The following SFI1 variants were observed in gnomAD, a reference collection of about 807,000 sequenced individuals.
SFI1 encodes protein SFI1 homolog.
Under a neutral mutation model 207.5 loss-of-function variants are expected in SFI1, and 195 were observed. The ratio of observed to expected loss-of-function variants is 0.94; its 90% CI spans 0.84 to 1.06. The LOEUF (loss-of-function observed/expected upper bound fraction) is 1.06, where lower values mean the gene tolerates loss of function less well. SFI1 is among the 50% of genes least tolerant of loss of function. The pLI is 0.00. For missense variants in SFI1, 1,634 were observed against 1,588.0 expected (o/e 1.03, Z -0.49); for synonymous variants, 630 against 598.9 (o/e 1.05, Z -0.76).
At chr22:31,499,615 A>G (rs971638510) in intron 1 of SFI1, among the ~76,000 whole-genome samples, 4 of 152,194 alleles carry the variant, frequency 2.6e-5, no homozygotes, top group African/African-American at 9.7e-5. Flanking sequence ...AATTTGAAAG[A>G]TGTTCTACTG....
rs575305331 is a variant in SFI1, at chr22:31,603,724, G to A, written c.1806-20G>A. 4 of 1,519,240 alleles carry A rather than the reference G, an allele frequency of 2.6e-6. No homozygotes were observed. The South Asian group carries it at 4.0e-5, about 15-fold the overall frequency. 94.1% of individuals were successfully genotyped at this position (1,519,240 alleles called of 1,614,324 possible). A position where few individuals can be genotyped will look rare whatever the true frequency, so the allele number is the denominator to read the frequency against. On this transcript the variant is annotated intron_variant, in intron 17 of 32. Transcript: ENST00000400288. ...CACTGGGTGGGGGCTGCAGCACTGA[G>A]CTCTGCCATCTCCCCACAGGAGGAC...
chr22:31,523,089 C>T (rs2057472519), intron 2 of SFI1, among the ~76,000 whole-genome samples: 1 of 152,104 alleles, frequency 6.6e-6, no homozygotes, highest in African/African-American at 2.4e-5. Context: ...ACATTGTGTA[C>T]AAGTTTTTCT....
At chr22:31,550,822 A>G (rs564273140) in intron 6 of SFI1, 2 of 153,344 alleles carry the variant, frequency 1.3e-5, no homozygotes, top group East Asian at 1.9e-4. Flanking sequence ...ACACATGGAG[A>G]GTCTAAGGGA....
In SFI1 at chr22:31,565,799, A is replaced by G. The variant is rs1602848756; in HGVS notation, c.765+4407A>G. 2.6e-5 allele frequency among the ~76,000 whole-genome samples: 4 copies of G among 152,194 alleles called. No homozygotes were observed. The East Asian group carries it at 7.7e-4, about 29-fold the overall frequency. On this transcript the variant is annotated intron_variant, in intron 8 of 32. Transcript: ENST00000400288. The stretch of plus-strand genomic sequence containing the variant: ...CTTTGCAACTTGTTTTTTTAGTGCA[A>G]CGGTATATTTTTGAGGTTTAGCCAT...
At chr22:31,579,136 G>T (rs980688429) in intron 11 of SFI1, among the ~76,000 whole-genome samples, 1 of 151,512 alleles carries the variant, frequency 6.6e-6, no homozygotes, top group African/African-American at 2.4e-5. Flanking sequence ...TGAGGCATTA[G>T]TATTATTATC....
At chr22:31,541,313 C>T (rs2059465532) in intron 4 of SFI1, among the ~76,000 whole-genome samples, 1 of 152,152 alleles carries the variant, frequency 6.6e-6, no homozygotes, top group Non-Finnish European at 1.5e-5. Flanking sequence ...CGGCTCTTGT[C>T]TGTCACCCTT....
intron 15 of SFI1, 136 bp downstream of exon 15, chr22:31,589,713 G>A (rs934363761): frequency 3.6e-6 from 3 of 833,220 alleles, no homozygotes; most frequent in Non-Finnish European, 5.2e-6. Flanking sequence ...AGTAATGTGG[G>A]CTCATTGATT....
In SFI1 at chr22:31,503,844, C is replaced by T. The variant is rs146705891; in HGVS notation, c.-30-4411C>T. Among the ~76,000 whole-genome samples the T allele has an allele frequency of 4.0e-4, 60 of 151,874 alleles. 1 individual carries two copies. The East Asian group carries it at 0.011, about 28-fold the overall frequency. ...CCTCAGGTGATCCACCTGCTTCGGC[C>T]TCCCAAAGTTCTAGGATTACAGGCA... On this transcript the variant is annotated intron_variant, in intron 1 of 32. Coordinates refer to ENST00000400288, the MANE Select transcript of SFI1 (RefSeq NM_001007467.3).
At chr22:31,547,248 C>T (rs1025223581) in intron 5 of SFI1, among the ~76,000 whole-genome samples, 2 of 152,070 alleles carry the variant, frequency 1.3e-5, no homozygotes, top group African/African-American at 2.4e-5. Flanking sequence ...GGGATTTTCC[C>T]ACCGATTTTC....
At chr22:31,567,103 C>T (rs1374060011) in intron 8 of SFI1, among the ~76,000 whole-genome samples, 1 of 152,096 alleles carries the variant, frequency 6.6e-6, no homozygotes, top group African/African-American at 2.4e-5. Flanking sequence ...GACGGGGTTT[C>T]ACCGTGTTAG....
At chr22:31,499,556 C>A (rs557419907) in intron 1 of SFI1, among the ~76,000 whole-genome samples, 2 of 152,216 alleles carry the variant, frequency 1.3e-5, no homozygotes, top group South Asian at 4.1e-4. Context: ...TAGAGTATTA[C>A]ATAAACTTAG....
intron 3 of SFI1, chr22:31,529,163 T>C: frequency 3.5e-6 from 1 of 282,404 alleles, no homozygotes; most frequent in Middle Eastern, 1.1e-3. Flanking sequence ...TATTCTTTTT[T>C]TCCCCCCAGA....
chr22:31,522,014 C>G (rs1238670175), intron 2 of SFI1, among the ~76,000 whole-genome samples: 1 of 147,326 alleles, frequency 6.8e-6, no homozygotes, highest in Non-Finnish European at 1.5e-5. Context: ...ATCCACCTGC[C>G]TTGGCCTCCC....
rs950998507 is a variant in SFI1 at position 31,561,205 on chromosome 22, G to T, written c.663-85G>T. On this transcript the variant is annotated intron_variant, in intron 7 of 32. Transcript: ENST00000400288. Reference sequence around the variant, plus strand: ...TATGAAGGAGAGGACTAGAGCTGAGGGTCTGAGGCCCCACACTAACTGCTC... The same window carrying T: ...TATGAAGGAGAGGACTAGAGCTGAGTGTCTGAGGCCCCACACTAACTGCTC... 4 of 1,109,096 alleles carry T rather than the reference G, an allele frequency of 3.6e-6. No homozygotes were observed. In the African/African-American group the frequency reaches 4.6e-5, roughly 13 times the overall value. The allele number at this position is 1,109,096 out of a possible 1,614,324, so 68.7% of individuals were successfully genotyped here. A position where few individuals can be genotyped will look rare whatever the true frequency, so the allele number is the denominator to read the frequency against.
At chr22:31,536,183 G>A (rs746801193) in intron 4 of SFI1, among the ~76,000 whole-genome samples, 1 of 152,000 alleles carries the variant, frequency 6.6e-6, no homozygotes, top group Non-Finnish European at 1.5e-5. Flanking sequence ...AGATTCCCTA[G>A]GGGCTGGACT....
rs534034253 is a variant in SFI1 at position 31,522,949 on chromosome 22, C to T, written c.93-5741C>T. On this transcript the variant is annotated intron_variant, in intron 2 of 32. Coordinates refer to ENST00000400288, the MANE Select transcript of SFI1 (RefSeq NM_001007467.3). ...GATTACAGGTGTGAGCCACAGCACC[C>T]GGCCTTATTCCTTTTTATAGCTCTA... Among the ~76,000 whole-genome samples, 129 of 152,230 alleles carry T rather than the reference C, an allele frequency of 8.5e-4. 1 individual carries two copies. The highest frequency in any genetic ancestry group is 3.0e-3 in the African/African-American group (123 of 41,550).
chr22:31,496,317 A>T (rs1455236302), upstream of SFI1: 2 of 152,284 alleles, frequency 1.3e-5, no homozygotes, highest in African/African-American at 4.8e-5. Context: ...CAAGGAGATA[A>T]AGAACCCTCG....
intron 8 of SFI1, among the ~76,000 whole-genome samples, chr22:31,567,576 G>GT (rs527596789): frequency 6.6e-6 from 1 of 151,526 alleles, no homozygotes; most frequent in East Asian, 1.9e-4. Flanking sequence ...GGAGGGGGGG[G>GT]GTGTGTGTGT....
At chr22:31,506,795 C>T (rs2054709330) in intron 1 of SFI1, among the ~76,000 whole-genome samples, 1 of 152,086 alleles carries the variant, frequency 6.6e-6, no homozygotes, top group Admixed American at 6.6e-5. Flanking sequence ...AGGAATACAG[C>T]TAACAAGGGA....
Sources: gnomAD v4.1 joint callset for allele counts (sites outside exome capture counted in the v4.1 genomes callset) on GRCh38, gnomAD v4.1.1 for gene constraint, MANE v1.5 for transcripts, NCBI Gene and HGNC (gene_info 2026-07-23, HGNC 2026-07-21) for gene names.